Variants in IFI16 observed in about 807,000 individuals in gnomAD.
The protein encoded by IFI16 is interferon gamma inducible protein 16, also known as gamma-interferon-inducible protein 16.
In IFI16, 49 loss-of-function variants were observed where a neutral mutation model predicts 68.4. The ratio of observed to expected loss-of-function variants is 0.72; its 90% confidence interval spans 0.57 to 0.91. The LOEUF (loss-of-function observed/expected upper bound fraction) is 0.91. IFI16 is among the 40% of genes least tolerant of loss of function. The pLI is 0.00. For missense variants in IFI16, 878 were observed against 942.9 expected (o/e 0.93, Z 0.90); for synonymous variants, 307 against 315.0 (o/e 0.97, Z 0.27).
intron 4 of IFI16, among the ~76,000 whole-genome samples, chr1:159,017,789 G>A (rs1203509252): frequency 6.6e-6 from 1 of 152,100 alleles, no homozygotes; most frequent in African/African-American, 2.4e-5. Flanking sequence ...TGTACTTTTA[G>A]TAGTGCCAGG....
At chr1:159,016,783 A>C in intron 4 of IFI16, 83 bp downstream of exon 4, 1 of 1,266,888 alleles carries the variant, frequency 7.9e-7, no homozygotes, top group African/African-American at 1.5e-5. Flanking sequence ...TAAAAATTGC[A>C]TCGATAATTT....
chr1:159,002,725 C>T (rs1652104996), upstream of IFI16, among the ~76,000 whole-genome samples: 1 of 152,168 alleles, frequency 6.6e-6, no homozygotes, highest in Non-Finnish European at 1.5e-5. Flanking sequence ...CTGTTTATTG[C>T]TGTACTCCTA....
At chr1:159,042,922 G>A (rs1225850750) in intron 7 of IFI16, among the ~76,000 whole-genome samples, 1 of 152,152 alleles carries the variant, frequency 6.6e-6, no homozygotes, top group Non-Finnish European at 1.5e-5. Context: ...GGGAAGGTAT[G>A]GGCAGGGAAA....
At chr1:159,037,746 T>C (rs936339080) in intron 7 of IFI16, among the ~76,000 whole-genome samples, 13 of 152,294 alleles carry the variant, frequency 8.5e-5, no homozygotes, top group Admixed American at 7.2e-4. Context: ...GGCTGCCACA[T>C]TGTAGAAGGG....
chr1:159,018,978 C>T lies in IFI16; in HGVS notation c.972+327C>T, dbSNP rs558464305. Among the ~76,000 whole-genome samples, 9 of 152,268 alleles carry T rather than the reference C, an allele frequency of 5.9e-5. No homozygotes were observed. The South Asian group carries it at 1.5e-3, about 25-fold the overall frequency. Reference sequence around the variant, plus strand: ...GGTCTACATCCATACACACATGATACTAAGTTTATCCCTTTGATTATTATC... The same window carrying T: ...GGTCTACATCCATACACACATGATATTAAGTTTATCCCTTTGATTATTATC... On this transcript the variant is annotated intron_variant, in intron 5 of 11. Coordinates refer to ENST00000295809, the MANE Select transcript of IFI16 (RefSeq NM_001376587.1).
At chr1:159,024,668 T>C (rs1653540355) in intron 6 of IFI16, among the ~76,000 whole-genome samples, 1 of 152,144 alleles carries the variant, frequency 6.6e-6, no homozygotes, top group African/African-American at 2.4e-5. Flanking sequence ...ACATAAATAT[T>C]TGTGTGAAAA....
upstream of IFI16, among the ~76,000 whole-genome samples, chr1:159,004,558 A>G (rs901590267): frequency 2.0e-5 from 3 of 152,152 alleles, no homozygotes; most frequent in Non-Finnish European, 2.9e-5. Context: ...TACAGAAATT[A>G]GCCAGGCTTG....
At chr1:159,002,471 ACT>A (rs1652097386), upstream of IFI16, among the ~76,000 whole-genome samples, 2 of 152,026 alleles carry the variant, frequency 1.3e-5, no homozygotes, top group African/African-American at 2.4e-5. Context: ...TTGCTCCTTC[ACT>A]CTGTTCAGAT....
chr1:159,010,355 A>G (rs1401139580), intron 1 of IFI16, among the ~76,000 whole-genome samples, 194 bp downstream of exon 1: 7 of 152,214 alleles, frequency 4.6e-5, no homozygotes, highest in Non-Finnish European at 7.3e-5. Context: ...GGCATCTTCT[A>G]TTCCACCACA....
At chr1:159,011,772 A>T (rs1250718985) in intron 1 of IFI16, among the ~76,000 whole-genome samples, 1 of 152,176 alleles carries the variant, frequency 6.6e-6, no homozygotes, top group East Asian at 1.9e-4. Context: ...ATTTTTAACA[A>T]TTTTTTTCAC....
chr1:159,029,329 T>C (rs72704995), intron 6 of IFI16, among the ~76,000 whole-genome samples: 4,883 of 152,334 alleles, frequency 0.032, 108 homozygotes, highest in Non-Finnish European at 0.046. Flanking sequence ...CAAACCTTTC[T>C]AGCTTGTAGG....
chr1:159,026,913 A>AT (rs1653706476), intron 6 of IFI16, among the ~76,000 whole-genome samples: 2 of 152,128 alleles, frequency 1.3e-5, no homozygotes, highest in Admixed American at 6.5e-5. Context: ...TCATTTACCA[A>AT]TTCTAGGAGC....
At chr1:159,016,162 C>T (rs1410186082) in intron 3 of IFI16, among the ~76,000 whole-genome samples, 175 bp downstream of exon 3, 1 of 152,178 alleles carries the variant, frequency 6.6e-6, no homozygotes, top group African/African-American at 2.4e-5. Context: ...ATGCACCAAA[C>T]ACATGAGTAA....
intron 4 of IFI16, 87 bp from the exon 5 acceptor site, chr1:159,018,142 C>A: frequency 1.8e-6 from 2 of 1,107,398 alleles, no homozygotes; most frequent in Non-Finnish European, 2.6e-6. Context: ...AGTTTTGGGG[C>A]CCTGTGTTAT....
rs1221347562 is a variant in IFI16 at position 159,014,873 on chromosome 1, C to T, written c.193C>T (p.Leu65=). The change falls in exon 2 of 12, where the codon CTA becomes TTA. Residue 65 remains leucine (L), a synonymous_variant. Coordinates refer to ENST00000295809, the MANE Select transcript of IFI16 (RefSeq NM_001376587.1). ...KFRGDAGLGK[L]IKIFEDIPTL... ...CCGAGGTGATGCTGGTTTGGGCAAA[C>T]TAATAAAAATTTTCGAAGATATACC... 1 of 1,613,700 alleles carries T rather than the reference C, an allele frequency of 6.2e-7. No homozygotes were observed. The highest frequency in any genetic ancestry group is 8.5e-7 in the Non-Finnish European group (1 of 1,179,894).
chr1:159,045,768 G>T lies in IFI16; in HGVS notation c.1497+304G>T, dbSNP rs184602393. On this transcript the variant is annotated intron_variant, in intron 8 of 11. Coordinates refer to ENST00000295809, the MANE Select transcript of IFI16 (RefSeq NM_001376587.1). ...AATACTTTAAGGTAGAACAAGGTGG[G>T]AAAAAACAGAGCCAACCATAACACT... Among the ~76,000 whole-genome samples the T allele has an allele frequency of 2.6e-3, 397 of 151,090 alleles. 6 individuals carry two copies. Among genetic ancestry groups the T allele is most frequent in the African/African-American group, 8.7e-3 (359 of 41,298 alleles).
intron 2 of IFI16, 75 bp from the exon 3 acceptor site, chr1:159,015,797 C>G: frequency 1.8e-6 from 2 of 1,081,852 alleles, no homozygotes; most frequent in Non-Finnish European, 2.8e-6. Flanking sequence ...ATTGAAACTG[C>G]TTCAGCTGTC....
intron 7 of IFI16, among the ~76,000 whole-genome samples, chr1:159,036,376 C>T (rs72709522): frequency 0.039 from 5,880 of 152,220 alleles, 129 homozygotes; most frequent in Non-Finnish European, 0.046. Flanking sequence ...CTTATTCATT[C>T]TTCCTTACAT....
chr1:159,024,992 G>GTT (rs750351570), intron 6 of IFI16, among the ~76,000 whole-genome samples: 2 of 146,916 alleles, frequency 1.4e-5, no homozygotes, highest in African/African-American at 2.5e-5. Flanking sequence ...CCAGGCTCGA[G>GTT]TTTTTTTTTT....
Sources: allele counts gnomAD v4.1 joint callset (sites outside exome capture counted in the v4.1 genomes callset), GRCh38; gene constraint gnomAD v4.1.1; transcripts MANE v1.5; gene names NCBI Gene and HGNC (gene_info 2026-07-23, HGNC 2026-07-21).